Variants in KALRN observed in about 807,000 individuals in gnomAD.
KALRN encodes the protein kalirin.
KALRN carries 70 observed loss-of-function variants against 353.7 expected under a neutral mutation model. The ratio of observed to expected loss-of-function variants is 0.20; its 90% confidence interval spans 0.16 to 0.24. The LOEUF (loss-of-function observed/expected upper bound fraction) is 0.24. Ranked by LOEUF, KALRN falls within the 10% of genes least tolerant of loss-of-function variation. KALRN has a pLI of 1.00. For missense variants in KALRN, 2,791 were observed against 3,756.7 expected, an observed-to-expected ratio of 0.74 and a Z score of 6.72; for synonymous variants, 1,391 against 1,434.8, an observed-to-expected ratio of 0.97 and a Z score of 0.69.
chr3:124,211,789 G>T (rs1327317884), intron 1 of KALRN, among the ~76,000 whole-genome samples: 1 of 152,194 alleles, frequency 6.6e-6, no homozygotes, highest in Admixed American at 6.5e-5. Context: ...AGGAGTGGTG[G>T]CAACACAAGT....
intron 33 of KALRN, among the ~76,000 whole-genome samples, chr3:124,538,608 T>C (rs998034047): frequency 1.3e-5 from 2 of 152,228 alleles, no homozygotes; most frequent in Non-Finnish European, 2.9e-5. Flanking sequence ...ACCTTTCCCC[T>C]TACTTCTTTC....
At chr3:124,381,516 G>A (rs1576454925) in intron 10 of KALRN, among the ~76,000 whole-genome samples, 1 of 152,140 alleles carries the variant, frequency 6.6e-6, no homozygotes, top group Non-Finnish European at 1.5e-5. Context: ...TAGTAATGGG[G>A]AAGAGAGCTG....
At chr3:124,467,737 C>T (rs781708046) in intron 25 of KALRN, among the ~76,000 whole-genome samples, 30 of 151,558 alleles carry the variant, frequency 2.0e-4, no homozygotes, top group African/African-American at 6.3e-4. Flanking sequence ...GTCTGTAAGA[C>T]GAGGAAAAGA....
intron 3 of KALRN, among the ~76,000 whole-genome samples, chr3:124,248,760 T>C (rs1285580983): frequency 1.3e-5 from 2 of 152,232 alleles, no homozygotes; most frequent in Non-Finnish European, 2.9e-5. Context: ...ACTAAAAAAC[T>C]CTAAAATCAG....
At chr3:124,355,139 CA>C (rs1365913027) in intron 10 of KALRN, among the ~76,000 whole-genome samples, 1 of 152,162 alleles carries the variant, frequency 6.6e-6, no homozygotes, top group Non-Finnish European at 1.5e-5. Flanking sequence ...GAATGTGAAT[CA>C]TTGTAGAAAA....
intron 39 of KALRN, among the ~76,000 whole-genome samples, chr3:124,656,349 G>A (rs1450870624): frequency 1.3e-5 from 2 of 152,184 alleles, no homozygotes; most frequent in South Asian, 2.1e-4. Flanking sequence ...GGTGGCTCAT[G>A]CCTGTAATCC....
intron 1 of KALRN, among the ~76,000 whole-genome samples, chr3:124,070,559 A>G (rs1209629220): frequency 6.6e-6 from 1 of 152,208 alleles, no homozygotes; most frequent in Non-Finnish European, 1.5e-5. Context: ...AACACATTCC[A>G]TGACTTGTCA....
chr3:124,621,930 A>G (rs2079315309), intron 34 of KALRN, among the ~76,000 whole-genome samples: 1 of 152,230 alleles, frequency 6.6e-6, no homozygotes, highest in Non-Finnish European at 1.5e-5. Context: ...TTGGCTACCC[A>G]GGAAATTTTC....
At chr3:124,636,293 C>T (rs1414085589) in intron 36 of KALRN, among the ~76,000 whole-genome samples, 2 of 152,138 alleles carry the variant, frequency 1.3e-5, no homozygotes, top group Non-Finnish European at 2.9e-5. Flanking sequence ...CACACACAAA[C>T]GGTGCAGGGT....
chr3:124,433,403 A>T (rs1246209275), intron 16 of KALRN, among the ~76,000 whole-genome samples: 2 of 151,928 alleles, frequency 1.3e-5, no homozygotes, highest in East Asian at 3.9e-4. Flanking sequence ...CAGCCTGGGC[A>T]GACAGCAAGA....
chr3:124,677,893 T>C (rs531559272), intron 49 of KALRN, among the ~76,000 whole-genome samples: 1 of 152,344 alleles, frequency 6.6e-6, no homozygotes, highest in South Asian at 2.1e-4. Context: ...GCATCATGGG[T>C]ATGGTATACA....
intron 1 of KALRN, among the ~76,000 whole-genome samples, chr3:124,167,640 C>T (rs113033643): frequency 6.6e-6 from 1 of 152,102 alleles, no homozygotes; most frequent in Non-Finnish European, 1.5e-5. Context: ...AACAGGTATT[C>T]TCTGTATAAA....
At chr3:124,396,883 A>G (rs1054918320) in intron 12 of KALRN, among the ~76,000 whole-genome samples, 3 of 152,226 alleles carry the variant, frequency 2.0e-5, no homozygotes, top group African/African-American at 4.8e-5. Context: ...ACCTGACTCT[A>G]GCCTAGGCTC....
chr3:124,543,266 CA>C (rs2069239350), intron 33 of KALRN, among the ~76,000 whole-genome samples: 1 of 151,898 alleles, frequency 6.6e-6, no homozygotes, highest in African/African-American at 2.4e-5. Context: ...TCAATTCCAC[CA>C]ATCCCTGAAG....
At chr3:124,500,706 A>C (rs1198908014) in intron 33 of KALRN, among the ~76,000 whole-genome samples, 3 of 152,268 alleles carry the variant, frequency 2.0e-5, no homozygotes, top group African/African-American at 7.2e-5. Context: ...TGTCTAATGC[A>C]AAAGTGGTAG....
chr3:124,084,942 C>T (rs1427694231), intron 1 of KALRN, among the ~76,000 whole-genome samples: 1 of 152,138 alleles, frequency 6.6e-6, no homozygotes, highest in African/African-American at 2.4e-5. Flanking sequence ...CTGTGAGGGC[C>T]CCCTTCCCCT....
chr3:124,216,982 A>G (rs1031159), intron 1 of KALRN, among the ~76,000 whole-genome samples: 143,331 of 152,248 alleles, frequency 0.94, 68,072 homozygotes, highest in East Asian at 1. Context: ...TAGGACCTAG[A>G]TAATGATCCC....
At chr3:124,174,807 C>T (rs1425425721) in intron 1 of KALRN, among the ~76,000 whole-genome samples, 1 of 152,222 alleles carries the variant, frequency 6.6e-6, no homozygotes, top group Non-Finnish European at 1.5e-5. Context: ...CTGTGTCTGT[C>T]AGAGCTCTTT....
intron 3 of KALRN, among the ~76,000 whole-genome samples, chr3:124,261,390 A>G (rs189719264): frequency 6.6e-6 from 1 of 152,338 alleles, no homozygotes; most frequent in African/African-American, 2.4e-5. Context: ...TGAGCACACA[A>G]TGAAATAGTC....
Sources: gnomAD v4.1 joint callset for allele counts (sites outside exome capture counted in the v4.1 genomes callset) on GRCh38, gnomAD v4.1.1 for gene constraint, MANE v1.5 for transcripts, NCBI Gene and HGNC (gene_info 2026-07-23, HGNC 2026-07-21) for gene names.